The following AKAP13 variants were observed in gnomAD, a reference collection of about 807,000 sequenced individuals.
AKAP13 encodes A-kinase anchoring protein 13, also known as A-kinase anchor protein 13.
AKAP13 carries 80 observed loss-of-function variants against 264.5 expected under a neutral mutation model. That is an observed-to-expected ratio of 0.30 (90% confidence interval 0.25 to 0.36). AKAP13 has a LOEUF of 0.36. Ranked by LOEUF, AKAP13 falls within the 10% of genes least tolerant of loss-of-function variation. The pLI is 1.00. For missense variants in AKAP13, 3,712 were observed against 3,435.2 expected (o/e 1.08, Z -2.01); for synonymous variants, 1,380 against 1,250.2 (o/e 1.10, Z -2.19).
chr15:85,532,115 T>C (rs574193932), intron 3 of AKAP13, among the ~76,000 whole-genome samples: 1 of 152,326 alleles, frequency 6.6e-6, no homozygotes, highest in African/African-American at 2.4e-5. Flanking sequence ...AAAATTGTTG[T>C]GGAGAGATGA....
At position 85,447,971 on chromosome 15, in the gene AKAP13, A is replaced by G. The variant is rs137987705; in HGVS notation, c.-11-37739A>G. On this transcript the variant is annotated intron_variant, in intron 1 of 36. Coordinates refer to ENST00000394518, the MANE Select transcript of AKAP13 (RefSeq NM_007200.5). ...TACTGCTTTCCACAATGGTTGAACT[A>G]ATTTACCAACTCACCAGCAGTGTAT... 9.6e-3 allele frequency among the ~76,000 whole-genome samples: 1,460 copies of G among 152,298 alleles called. 15 individuals are homozygous for G. Among genetic ancestry groups the G allele is most frequent in the Non-Finnish European group, 0.015 (1,034 of 68,016 alleles).
chr15:85,543,380 C>T (rs2077633363), intron 4 of AKAP13, among the ~76,000 whole-genome samples: 1 of 152,174 alleles, frequency 6.6e-6, no homozygotes, highest in African/African-American at 2.4e-5. Flanking sequence ...TCTTGGACCT[C>T]ATGTTGTGGG....
At chr15:85,573,458 A>G (rs2078891496) in intron 5 of AKAP13, among the ~76,000 whole-genome samples, 1 of 152,070 alleles carries the variant, frequency 6.6e-6, no homozygotes, top group South Asian at 2.1e-4. Context: ...AGGCAGGAGA[A>G]TCGATGAACC....
At chr15:85,661,358 A>G (rs2083337344) in intron 12 of AKAP13, among the ~76,000 whole-genome samples, 1 of 152,190 alleles carries the variant, frequency 6.6e-6, no homozygotes, top group Admixed American at 6.5e-5. Flanking sequence ...TGTAGGAAAA[A>G]TGGAAACAAA....
intron 1 of AKAP13, among the ~76,000 whole-genome samples, chr15:85,465,247 C>T (rs569549905): frequency 3.9e-5 from 6 of 152,042 alleles, no homozygotes; most frequent in South Asian, 2.1e-4. Flanking sequence ...CCACCACGCC[C>T]GGCCAGGCAT....
chr15:85,707,974 T>C (rs761140910), intron 17 of AKAP13, 45 bp from the exon 18 acceptor site: 16 of 1,598,888 alleles, frequency 1.0e-5, no homozygotes, highest in Non-Finnish European at 1.4e-5. Flanking sequence ...GAATCTGGGA[T>C]CTGTTTGCTT....
chr15:85,530,161 A>G (rs1029719960), intron 3 of AKAP13, among the ~76,000 whole-genome samples: 1 of 152,150 alleles, frequency 6.6e-6, no homozygotes, highest in East Asian at 1.9e-4. Flanking sequence ...TGCCAAGCAC[A>G]ACCCCCGCGC....
intron 17 of AKAP13, among the ~76,000 whole-genome samples, chr15:85,703,394 T>C (rs2086040947): frequency 6.6e-6 from 1 of 152,236 alleles, no homozygotes; most frequent in Non-Finnish European, 1.5e-5. Context: ...CTGGGGCTAC[T>C]TCAGCTGAGA....
intron 9 of AKAP13, among the ~76,000 whole-genome samples, chr15:85,643,124 A>G (rs2082386485): frequency 6.6e-6 from 1 of 152,012 alleles, no homozygotes; most frequent in Admixed American, 6.5e-5. Context: ...CAAGACTGAA[A>G]CAGACTAAGG....
intron 30 of AKAP13, among the ~76,000 whole-genome samples, chr15:85,731,567 A>T (rs1472866562): frequency 6.6e-6 from 1 of 152,092 alleles, no homozygotes; most frequent in Non-Finnish European, 1.5e-5. Context: ...GTAATTAATT[A>T]CTCAGACTTG....
chr15:85,579,468 G>A lies in AKAP13; in HGVS notation c.1400G>A (p.Gly467Asp). Residue 467 changes from glycine to aspartate, a missense_variant, in exon 7 of 37, where the codon GGC becomes GAC. Physicochemically the swap from Gly to Asp is moderately conservative, Grantham distance 94. Coordinates refer to ENST00000394518, the MANE Select transcript of AKAP13 (RefSeq NM_007200.5). ...TATTCCTCTGGAGGTGAACTGGGAG[G>A]CATTTCAACAACAAATGTCAGTACC... ...AQYSSGGELG[G>D]ISTTNVSTPD... 1 of 1,614,200 alleles carries A rather than the reference G, an allele frequency of 6.2e-7. No homozygotes were observed. Among genetic ancestry groups the A allele is most frequent in the Non-Finnish European group, 8.5e-7 (1 of 1,180,030 alleles).
At chr15:85,481,188 G>A (rs2075341343) in intron 1 of AKAP13, among the ~76,000 whole-genome samples, 1 of 151,860 alleles carries the variant, frequency 6.6e-6, no homozygotes, top group African/African-American at 2.4e-5. Context: ...TATAGTGAGT[G>A]GTTTTTACAT....
At chr15:85,516,743 A>G (rs765569905) in intron 2 of AKAP13, among the ~76,000 whole-genome samples, 2 of 152,086 alleles carry the variant, frequency 1.3e-5, no homozygotes, top group African/African-American at 2.4e-5. Context: ...TCATTTGCCA[A>G]TTTCAGTGGT....
intron 8 of AKAP13, among the ~76,000 whole-genome samples, chr15:85,632,280 G>A (rs1321447715): frequency 1.3e-5 from 2 of 152,276 alleles, no homozygotes; most frequent in South Asian, 2.1e-4. Context: ...CAGGCAACAC[G>A]AAGGGGTCCA....
chr15:85,434,639 G>A (rs1373004015), intron 1 of AKAP13, among the ~76,000 whole-genome samples: 1 of 152,050 alleles, frequency 6.6e-6, no homozygotes, highest in African/African-American at 2.4e-5. Context: ...CCGGCAGACT[G>A]CCTCCTCAAG....
chr15:85,461,977 A>G (rs185167234), intron 1 of AKAP13, among the ~76,000 whole-genome samples: 1 of 152,290 alleles, frequency 6.6e-6, no homozygotes, highest in Admixed American at 6.5e-5. Flanking sequence ...TTCCAGTGTA[A>G]ATCTTATATG....
At chr15:85,570,091 A>AAG (rs2078759328) in intron 5 of AKAP13, among the ~76,000 whole-genome samples, 1 of 151,280 alleles carries the variant, frequency 6.6e-6, no homozygotes, top group Admixed American at 6.6e-5. Context: ...AAAAAAAAAA[A>AAG]AAAACCACTG....
chr15:85,663,285 G>A, intron 12 of AKAP13, among the ~76,000 whole-genome samples: 1 of 150,416 alleles, frequency 6.6e-6, no homozygotes. Context: ...ACTCCAGCCT[G>A]GGCAACAGAG....
At chr15:85,715,289 T>C (rs1487830562) in intron 19 of AKAP13, among the ~76,000 whole-genome samples, 2 of 152,204 alleles carry the variant, frequency 1.3e-5, no homozygotes, top group African/African-American at 2.4e-5. Context: ...CATTGTATTC[T>C]GCTGTGTGGT....
Sources: allele counts gnomAD v4.1 joint callset (sites outside exome capture counted in the v4.1 genomes callset), GRCh38; gene constraint gnomAD v4.1.1; transcripts MANE v1.5; gene names NCBI Gene and HGNC (gene_info 2026-07-23, HGNC 2026-07-21).